Variants in CEP128 observed in about 807,000 individuals in gnomAD.
CEP128 encodes the protein centrosomal protein 128kDa.
A neutral mutation model predicts 156.7 loss-of-function variants in CEP128; 132 were observed. The observed-to-expected ratio is 0.84, with a 90% CI of 0.73 to 0.97. CEP128 has a LOEUF of 0.97. Among genes scored for constraint, CEP128 ranks in the 50% least tolerant of loss-of-function variants. CEP128 has a pLI of 0.00. For synonymous variants in CEP128, 469 were observed against 448.9 expected, an observed-to-expected ratio of 1.04 and a Z score of -0.57; for missense variants, 1,252 against 1,281.9, an observed-to-expected ratio of 0.98 and a Z score of 0.36.
rs1018743093 is a variant in CEP128, at chr14:80,840,885, C to T, written c.763-117G>A. 4.6e-6 allele frequency: 3 copies of T among 656,938 alleles called. No individual in the cohort carries two copies. In the African/African-American group the frequency reaches 5.5e-5, roughly 12 times the overall value. The allele number at this position is 656,938 out of a possible 1,614,324, so 40.7% of individuals were successfully genotyped here. On this transcript the variant is annotated intron_variant, in intron 9 of 24. Coordinates refer to ENST00000555265, the MANE Select transcript of CEP128 (RefSeq NM_152446.5). ...GACATGGATATGAGTTACACAAAATCTATAAATTACAGTCTGCTCATAAGA... is the reference window on the plus strand; with the variant it reads ...GACATGGATATGAGTTACACAAAATTTATAAATTACAGTCTGCTCATAAGA...
chr14:80,926,799 T>C (rs888218946), intron 2 of CEP128, among the ~76,000 whole-genome samples: 4 of 152,184 alleles, frequency 2.6e-5, no homozygotes, highest in Non-Finnish European at 5.9e-5. Flanking sequence ...AGAAAACTTT[T>C]TGCATGACCT....
intron 21 of CEP128, among the ~76,000 whole-genome samples, chr14:80,545,670 T>C (rs988009662): frequency 2.0e-5 from 3 of 152,160 alleles, no homozygotes; most frequent in East Asian, 1.9e-4. Flanking sequence ...AACTGTTGTT[T>C]CAATAGATTA....
intron 19 of CEP128, among the ~76,000 whole-genome samples, chr14:80,712,698 A>C (rs557871242): frequency 1.2e-4 from 18 of 152,132 alleles, no homozygotes; most frequent in African/African-American, 4.3e-4. Flanking sequence ...CAAGGCAAGC[A>C]CTCTGGCAGC....
At chr14:80,810,323 C>CAAAAAGAAAAAA (rs1884442500) in intron 13 of CEP128, among the ~76,000 whole-genome samples, 1 of 15,192 alleles carries the variant, frequency 6.6e-5, no homozygotes, top group Non-Finnish European at 1.3e-4. Context: ...ACTCCATCTC[C>CAAAAAGAAAAAA]AAAAAAAAAA....
At chr14:80,549,813 C>A (rs1241246569) in intron 21 of CEP128, among the ~76,000 whole-genome samples, 2 of 152,118 alleles carry the variant, frequency 1.3e-5, no homozygotes, top group African/African-American at 4.8e-5. Flanking sequence ...TTTGCACATG[C>A]AGTAGGATGA....
chr14:80,671,789 C>T (rs1283679404), intron 19 of CEP128, among the ~76,000 whole-genome samples: 1 of 136,002 alleles, frequency 7.4e-6, no homozygotes, highest in Non-Finnish European at 1.5e-5. Context: ...TTATGGTTTA[C>T]TGTTCACAAT....
intron 9 of CEP128, among the ~76,000 whole-genome samples, chr14:80,848,418 G>C (rs915201923): frequency 1.3e-5 from 2 of 152,166 alleles, no homozygotes. Context: ...CCAGCACTTT[G>C]GGAGGCCAAG....
chr14:80,697,989 C>T (rs1227343121), intron 19 of CEP128, among the ~76,000 whole-genome samples: 1 of 151,752 alleles, frequency 6.6e-6, no homozygotes, highest in East Asian at 1.9e-4. Flanking sequence ...CTCTTTTATC[C>T]TAGCTTGGCA....
chr14:80,887,644 T>C lies in CEP128; in HGVS notation c.645+8074A>G, dbSNP rs1264326021. 4.6e-5 allele frequency among the ~76,000 whole-genome samples: 7 copies of C among 152,204 alleles called. No individual in the cohort carries two copies. In the East Asian group the frequency reaches 1.2e-3, roughly 25 times the overall value. ...AGCTAAAGCAGTGTTTAGAGGGAAATTTAAAGTACTAAATGCCCACATCAG... is the reference window on the plus strand; with the variant it reads ...AGCTAAAGCAGTGTTTAGAGGGAAACTTAAAGTACTAAATGCCCACATCAG... On this transcript the variant is annotated intron_variant, in intron 8 of 24. Coordinates refer to ENST00000555265, the MANE Select transcript of CEP128 (RefSeq NM_152446.5).
At chr14:80,566,836 C>G (rs912910961) in intron 20 of CEP128, among the ~76,000 whole-genome samples, 1 of 143,926 alleles carries the variant, frequency 6.9e-6, no homozygotes, top group Middle Eastern at 3.7e-3. Context: ...TCTAAAATAA[C>G]ACAACACACA....
Position 80,497,415 on chromosome 14 carries a change from G to A in CEP128, c.*64C>T, listed in dbSNP as rs555199996. The A allele has an allele frequency of 5.1e-5, 58 of 1,136,372 alleles. No homozygotes were observed. The highest frequency in any genetic ancestry group is 2.0e-5 in the Admixed American group (1 of 49,144). 70.4% of individuals were successfully genotyped at this position (1,136,372 alleles called of 1,614,324 possible). ...GTTAGATAATCTGGGCCAAATTGCT[G>A]TAAGAATAGAGATGTTATTATTTGT... On this transcript the variant is annotated 3_prime_UTR_variant, in exon 25 of 25. Coordinates refer to ENST00000555265, the MANE Select transcript of CEP128 (RefSeq NM_152446.5).
At chr14:80,761,638 A>G (rs777667019) in intron 16 of CEP128, 25 bp from the exon 17 acceptor site, 1 of 1,551,646 alleles carries the variant, frequency 6.4e-7, no homozygotes, top group Non-Finnish European at 8.8e-7. Context: ...GAAATTAAAC[A>G]AGGTGATTAC....
rs752734284 is a variant in CEP128 at position 80,904,892 on chromosome 14, T to C, written c.401A>G (p.Tyr134Cys). The change falls in exon 6 of 25, where the codon TAT becomes TGT. Residue 134 changes from tyrosine (Y) to cysteine (C), a missense_variant. Transcript: ENST00000555265. ...TCGTTTAATACCCTGTGGATCCCCATAGTCCTTGAGAGGTGAGGTAGGTGG... is the reference window on the plus strand; with the variant it reads ...TCGTTTAATACCCTGTGGATCCCCACAGTCCTTGAGAGGTGAGGTAGGTGG... ...HFPPTSPLKD[Y>C]GDPQGIKRMR... 8.1e-6 allele frequency: 13 copies of C among 1,611,842 alleles called. No homozygotes were observed. The East Asian group carries it at 2.5e-4, about 30-fold the overall frequency.
chr14:80,593,546 C>CAAAAAAA (rs780221928), intron 19 of CEP128, among the ~76,000 whole-genome samples: 6 of 77,848 alleles, frequency 7.7e-5, no homozygotes, highest in Non-Finnish European at 7.9e-5. Context: ...GACTCCATCT[C>CAAAAAAA]AAAAAAAAAA....
At chr14:80,597,832 TA>T (rs1416284609) in intron 19 of CEP128, among the ~76,000 whole-genome samples, 1 of 146,872 alleles carries the variant, frequency 6.8e-6, no homozygotes. Context: ...AGGCTGAAGA[TA>T]AACAAAAATC....
At chr14:80,702,859 A>G (rs1897119777) in intron 19 of CEP128, among the ~76,000 whole-genome samples, 1 of 152,194 alleles carries the variant, frequency 6.6e-6, no homozygotes, top group East Asian at 1.9e-4. Context: ...AAAAAATTCA[A>G]GACATAAGAA....
intron 21 of CEP128, among the ~76,000 whole-genome samples, chr14:80,558,510 G>T (rs927685013): frequency 1.3e-5 from 2 of 152,060 alleles, no homozygotes; most frequent in Non-Finnish European, 2.9e-5. Context: ...GGATGGTCTC[G>T]ATCTCCTGAC....
intron 14 of CEP128, among the ~76,000 whole-genome samples, chr14:80,787,624 G>A (rs908503329): frequency 2.0e-5 from 3 of 152,094 alleles, no homozygotes; most frequent in African/African-American, 7.2e-5. Flanking sequence ...CACAAGAACT[G>A]ATAGAATCAA....
intron 19 of CEP128, among the ~76,000 whole-genome samples, chr14:80,593,311 G>A (rs575807380): frequency 1.3e-5 from 2 of 152,154 alleles, no homozygotes; most frequent in South Asian, 4.1e-4. Context: ...ACTGAGGAGG[G>A]CAGATCACAA....
Sources: gnomAD v4.1 joint callset for allele counts (sites outside exome capture counted in the v4.1 genomes callset) on GRCh38, gnomAD v4.1.1 for gene constraint, MANE v1.5 for transcripts, NCBI Gene and HGNC (gene_info 2026-07-23, HGNC 2026-07-21) for gene names.